Variants in SORCS1 observed in about 807,000 individuals in gnomAD.
The protein encoded by SORCS1 is VPS10 domain-containing receptor SorCS1.
A neutral mutation model predicts 146.1 loss-of-function variants in SORCS1; 60 were observed. The observed-to-expected ratio is 0.41, with a 90% CI of 0.33 to 0.51. SORCS1 has a LOEUF of 0.51. Ranked by LOEUF, SORCS1 falls within the 20% of genes least tolerant of loss-of-function variation. SORCS1 has a pLI of 0.21. For missense variants in SORCS1, 1,352 were observed against 1,487.6 expected (o/e 0.91, Z 1.50); for synonymous variants, 637 against 584.0 (o/e 1.09, Z -1.31).
chr10:106,808,232 G>A (rs1052898215), intron 3 of SORCS1, among the ~76,000 whole-genome samples: 10 of 152,074 alleles, frequency 6.6e-5, no homozygotes, highest in African/African-American at 1.2e-4. Flanking sequence ...TGGTCAGGAG[G>A]GTCTTGAACT....
intron 3 of SORCS1, among the ~76,000 whole-genome samples, chr10:106,783,998 G>T (rs1185892886): frequency 1.3e-5 from 2 of 151,944 alleles, no homozygotes; most frequent in Non-Finnish European, 2.9e-5. Context: ...AAAAAAAACA[G>T]ACTCATTTTA....
chr10:106,758,516 G>A (rs557800540), intron 5 of SORCS1, among the ~76,000 whole-genome samples: 71 of 152,238 alleles, frequency 4.7e-4, no homozygotes, highest in African/African-American at 1.7e-3. Flanking sequence ...CATTAGCAAA[G>A]CAGCAACTCC....
At chr10:106,948,318 T>C (rs1420809779) in intron 2 of SORCS1, among the ~76,000 whole-genome samples, 1 of 152,102 alleles carries the variant, frequency 6.6e-6, no homozygotes, top group African/African-American at 2.4e-5. Context: ...GTGTTTTTTC[T>C]GGCTCATTGT....
At chr10:107,112,835 A>T (rs1965783068) in intron 1 of SORCS1, among the ~76,000 whole-genome samples, 1 of 152,194 alleles carries the variant, frequency 6.6e-6, no homozygotes, top group Non-Finnish European at 1.5e-5. Context: ...TGCACTCAAC[A>T]CTGACGCACC....
At chr10:107,157,191 T>C (rs111422323) in intron 1 of SORCS1, among the ~76,000 whole-genome samples, 1 of 151,880 alleles carries the variant, frequency 6.6e-6, no homozygotes, top group African/African-American at 2.4e-5. Context: ...TTGCCTGTGA[T>C]GGGCTTCAGA....
At chr10:106,807,106 C>T (rs1947227332) in intron 3 of SORCS1, among the ~76,000 whole-genome samples, 1 of 152,106 alleles carries the variant, frequency 6.6e-6, no homozygotes, top group South Asian at 2.1e-4. Context: ...TCTCTAAATA[C>T]TTAGCTTGTA....
intron 2 of SORCS1, among the ~76,000 whole-genome samples, chr10:106,899,659 G>A (rs1284056767): frequency 7.0e-6 from 1 of 143,198 alleles, no homozygotes; most frequent in African/African-American, 2.6e-5. Flanking sequence ...TATGCTTCCA[G>A]GGCTGCATTT....
intron 1 of SORCS1, among the ~76,000 whole-genome samples, chr10:107,007,746 C>T: frequency 6.6e-6 from 1 of 152,228 alleles, no homozygotes; most frequent in East Asian, 1.9e-4. Flanking sequence ...CATGAGCCTT[C>T]TAGTAGAGAA....
upstream of SORCS1, among the ~76,000 whole-genome samples, chr10:107,168,125 C>A (rs1970093109): frequency 6.6e-6 from 1 of 152,160 alleles, no homozygotes; most frequent in Admixed American, 6.6e-5. Flanking sequence ...ATACGCCAAC[C>A]ATTAGGGGCT....
intron 2 of SORCS1, among the ~76,000 whole-genome samples, chr10:106,852,627 C>CAAAAAAAAAAAAAAA (rs370300215): frequency 1.2e-5 from 1 of 85,012 alleles, no homozygotes; most frequent in African/African-American, 4.2e-5. Context: ...GACCCTGTCT[C>CAAAAAAAAAAAAAAA]AAAAAAAAAA....
intron 2 of SORCS1, among the ~76,000 whole-genome samples, chr10:106,863,384 G>A (rs2137468982): frequency 6.6e-6 from 1 of 152,096 alleles, no homozygotes; most frequent in Middle Eastern, 3.4e-3. Flanking sequence ...AATTATCTGG[G>A]TGTGGTGGTA....
At chr10:106,693,942 C>T (rs1289443697) in intron 9 of SORCS1, among the ~76,000 whole-genome samples, 1 of 152,142 alleles carries the variant, frequency 6.6e-6, no homozygotes, top group Admixed American at 6.5e-5. Context: ...CTACCACCCT[C>T]TCAGTCTCAG....
chr10:106,832,200 CTTTTT>C (rs1317930260), intron 2 of SORCS1, among the ~76,000 whole-genome samples: 1 of 78,988 alleles, frequency 1.3e-5, no homozygotes, highest in Non-Finnish European at 2.6e-5. Context: ...TTTTTTTTTT[CTTTTT>C]TGAGACGGAG....
intron 24 of SORCS1, among the ~76,000 whole-genome samples, chr10:106,584,863 C>T (rs1845128836): frequency 6.6e-6 from 1 of 152,070 alleles, no homozygotes; most frequent in South Asian, 2.1e-4. Flanking sequence ...ATCAGTAACT[C>T]CAAGACCAAC....
intron 1 of SORCS1, among the ~76,000 whole-genome samples, chr10:106,966,139 CAT>C (rs1223232300): frequency 6.6e-6 from 1 of 152,172 alleles, no homozygotes; most frequent in Non-Finnish European, 1.5e-5. Flanking sequence ...ACAGTATCAT[CAT>C]TTAGATTTAA....
intron 2 of SORCS1, among the ~76,000 whole-genome samples, chr10:106,872,028 A>T (rs367684718): frequency 7.2e-5 from 11 of 152,374 alleles, no homozygotes; most frequent in African/African-American, 2.2e-4. Context: ...AAAGAAAATA[A>T]AATACAAAAT....
rs3045083 is a variant in SORCS1 at position 106,774,426 on chromosome 10, A to AGTGTGTGT, written c.885+2100_885+2107dup. Among the ~76,000 whole-genome samples, 265 of 147,730 alleles carry AGTGTGTGT rather than the reference A, an allele frequency of 1.8e-3. 1 individual carries two copies. Among genetic ancestry groups the AGTGTGTGT allele is most frequent in the Middle Eastern group, 3.4e-3 (1 of 292 alleles). On this transcript the variant is annotated intron_variant, in intron 4 of 25. Coordinates refer to ENST00000263054, the MANE Select transcript of SORCS1 (RefSeq NM_052918.5). ...AAAAATAATAAGGATTAGGTTCCAA[A>AGTGTGTGT]GTGTGTGTGTGTGTGTGTGTGTGTG...
intron 1 of SORCS1, among the ~76,000 whole-genome samples, chr10:107,117,469 G>T (rs1419771452): frequency 6.6e-6 from 1 of 152,146 alleles, no homozygotes; most frequent in Non-Finnish European, 1.5e-5. Flanking sequence ...TGTGAGATCA[G>T]GGCCCCCCAG....
chr10:106,797,869 T>C (rs935369489), intron 3 of SORCS1, among the ~76,000 whole-genome samples: 2 of 152,012 alleles, frequency 1.3e-5, no homozygotes, highest in African/African-American at 4.8e-5. Flanking sequence ...AACCACATAA[T>C]CCTCTAAAAT....
Sources: allele counts gnomAD v4.1 joint callset (sites outside exome capture counted in the v4.1 genomes callset), GRCh38; gene constraint gnomAD v4.1.1; transcripts MANE v1.5; gene names NCBI Gene and HGNC (gene_info 2026-07-23, HGNC 2026-07-21).